Variants in TESK2 observed in about 807,000 individuals in gnomAD.
TESK2 encodes the protein dual specificity testis-specific protein kinase 2.
Under a neutral mutation model 57.1 loss-of-function variants are expected in TESK2, and 39 were observed. The ratio of observed to expected loss-of-function variants is 0.68; its 90% CI spans 0.53 to 0.89. The LOEUF is 0.89. Among genes scored for constraint, TESK2 ranks in the 40% least tolerant of loss-of-function variants. TESK2 has a pLI of 0.00. For synonymous variants in TESK2, 249 were observed against 267.9 expected, an observed-to-expected ratio of 0.93 and a Z score of 0.69; for missense variants, 646 against 732.1, an observed-to-expected ratio of 0.88 and a Z score of 1.36.
intron 3 of TESK2, among the ~76,000 whole-genome samples, chr1:45,392,971 C>T (rs1341954219): frequency 6.6e-6 from 1 of 152,176 alleles, no homozygotes; most frequent in East Asian, 1.9e-4. Context: ...AAATTAACTT[C>T]ACAATGTAAA....
intron 4 of TESK2, among the ~76,000 whole-genome samples, chr1:45,379,642 A>G (rs540833577): frequency 2.0e-5 from 3 of 152,344 alleles, no homozygotes; most frequent in Non-Finnish European, 2.9e-5. Flanking sequence ...ACTCTTTAAT[A>G]AAGAAAGAAG....
intron 4 of TESK2, among the ~76,000 whole-genome samples, chr1:45,384,493 C>T (rs1400554111): frequency 2.0e-5 from 3 of 151,182 alleles, no homozygotes. Context: ...AATCATGGCT[C>T]ACTATAGCCT....
At chr1:45,384,399 CT>C (rs1648790896) in intron 4 of TESK2, among the ~76,000 whole-genome samples, 3 of 150,642 alleles carry the variant, frequency 2.0e-5, no homozygotes, top group African/African-American at 7.3e-5. Flanking sequence ...GTCTATCTAT[CT>C]ATCTATCTAT....
chr1:45,470,614 A>G (rs1652720791), intron 1 of TESK2, among the ~76,000 whole-genome samples: 1 of 152,198 alleles, frequency 6.6e-6, no homozygotes, highest in Non-Finnish European at 1.5e-5. Flanking sequence ...ACTTCAATCC[A>G]CCAGGCCCTA....
intron 4 of TESK2, among the ~76,000 whole-genome samples, chr1:45,384,528 T>G (rs1648798371): frequency 6.6e-6 from 1 of 151,220 alleles, no homozygotes; most frequent in Non-Finnish European, 1.5e-5. Context: ...CAAGCAATCT[T>G]GCTGCCCCAG....
chr1:45,460,671 A>G (rs1002110191), intron 1 of TESK2, among the ~76,000 whole-genome samples: 1 of 152,174 alleles, frequency 6.6e-6, no homozygotes, highest in Non-Finnish European at 1.5e-5. Flanking sequence ...TTCCTGCCTC[A>G]GCTACCTGTG....
chr1:45,471,312 G>C (rs545651167), intron 1 of TESK2, among the ~76,000 whole-genome samples: 3 of 152,276 alleles, frequency 2.0e-5, no homozygotes, highest in East Asian at 3.9e-4. Flanking sequence ...TCTCTGGTAG[G>C]AGGATGTACA....
In TESK2 at chr1:45,345,364, T is replaced by TG; in HGVS notation, c.1191dup (p.Lys398GlnfsTer6). 2 of 1,613,994 alleles carry TG rather than the reference T, an allele frequency of 1.2e-6. No individual in the cohort carries two copies. Among genetic ancestry groups the TG allele is most frequent in the Non-Finnish European group, 1.7e-6 (2 of 1,179,998 alleles). On this transcript the variant is annotated frameshift_variant, in exon 11 of 11. Transcript: ENST00000372086. LOFTEE classifies it high-confidence loss of function. ...TGGCGAGCACTAAAAGGGTTGACTT[T>TG]GGGGGTGCGGGCAGCACCATCTCGT...
At chr1:45,366,053 C>T (rs1193151452) in intron 4 of TESK2, among the ~76,000 whole-genome samples, 1 of 151,582 alleles carries the variant, frequency 6.6e-6, no homozygotes, top group Non-Finnish European at 1.5e-5. Flanking sequence ...AGGTGATCCG[C>T]CTGCCTCGAC....
rs548670626 is a variant in TESK2, at chr1:45,357,708, A to G, written c.394-2259T>C. ...CAAAAAATACAAAAATTGGCCAGGC[A>G]CGGTAGCTCCCAGGGGTGGGATCAT... On this transcript the variant is annotated intron_variant, in intron 4 of 10. Coordinates refer to ENST00000372086, the MANE Select transcript of TESK2 (RefSeq NM_007170.3). Among the ~76,000 whole-genome samples, 6 of 151,982 alleles carry G rather than the reference A, an allele frequency of 3.9e-5. No homozygotes were observed. The South Asian group carries it at 1.2e-3, about 32-fold the overall frequency.
chr1:45,418,835 C>T (rs1373138580), intron 3 of TESK2, among the ~76,000 whole-genome samples: 1 of 152,064 alleles, frequency 6.6e-6, no homozygotes. Context: ...AATCAAGGTT[C>T]ATTATTATGC....
chr1:45,348,374 T>C (rs1470409193), intron 5 of TESK2, among the ~76,000 whole-genome samples: 1 of 152,160 alleles, frequency 6.6e-6, no homozygotes, highest in African/African-American at 2.4e-5. Flanking sequence ...TGGCCTCCCT[T>C]CCTCCTTCCT....
chr1:45,460,514 C>A (rs1184786197), intron 1 of TESK2, among the ~76,000 whole-genome samples: 1 of 152,110 alleles, frequency 6.6e-6, no homozygotes, highest in Non-Finnish European at 1.5e-5. Context: ...GAGTGAAATT[C>A]TGTCTCAAAG....
At chr1:45,362,918 G>A (rs1410683784) in intron 4 of TESK2, among the ~76,000 whole-genome samples, 1 of 151,790 alleles carries the variant, frequency 6.6e-6, no homozygotes. Flanking sequence ...AGAATAACAT[G>A]ATCAGATATG....
At chr1:45,437,613 C>A (rs1342148582) in intron 2 of TESK2, among the ~76,000 whole-genome samples, 1 of 152,102 alleles carries the variant, frequency 6.6e-6, no homozygotes, top group African/African-American at 2.4e-5. Context: ...AAGTGAGCAT[C>A]CTTGTTCCAG....
At chr1:45,386,877 C>T (rs1648922922) in intron 3 of TESK2, among the ~76,000 whole-genome samples, 1 of 152,162 alleles carries the variant, frequency 6.6e-6, no homozygotes, top group Non-Finnish European at 1.5e-5. Flanking sequence ...TGGTCTCAAT[C>T]TCTTGACCTT....
At chr1:45,438,828 A>G (rs984512793) in intron 2 of TESK2, among the ~76,000 whole-genome samples, 1 of 152,186 alleles carries the variant, frequency 6.6e-6, no homozygotes, top group Non-Finnish European at 1.5e-5. Context: ...AGAAAGGCAT[A>G]CAGAGAAATA....
intron 2 of TESK2, among the ~76,000 whole-genome samples, chr1:45,424,985 T>A (rs973391884): frequency 4.6e-5 from 7 of 152,176 alleles, no homozygotes; most frequent in Non-Finnish European, 1.5e-5. Context: ...AAGCCTTTCC[T>A]CTGGGATATG....
At chr1:45,447,832 C>T (rs1050543818) in intron 2 of TESK2, among the ~76,000 whole-genome samples, 1 of 152,118 alleles carries the variant, frequency 6.6e-6, no homozygotes, top group African/African-American at 2.4e-5. Context: ...CAGGAATTTT[C>T]CATCTCTATT....
Sources: allele counts gnomAD v4.1 joint callset (sites outside exome capture counted in the v4.1 genomes callset), GRCh38; gene constraint gnomAD v4.1.1; transcripts MANE v1.5; gene names NCBI Gene and HGNC (gene_info 2026-07-23, HGNC 2026-07-21).